Variants in UBE2D3 observed in about 807,000 individuals in gnomAD.
UBE2D3 encodes ubiquitin conjugating enzyme E2 D3.
In UBE2D3, 2 loss-of-function variants were observed where a neutral mutation model predicts 22.8. The observed-to-expected ratio is 0.09, with a 90% CI of 0.04 to 0.28. The LOEUF (loss-of-function observed/expected upper bound fraction) is 0.28. Ranked by LOEUF, UBE2D3 falls within the 10% of genes least tolerant of loss-of-function variation. UBE2D3 has a pLI of 1.00. For missense variants in UBE2D3, 27 were observed against 182.5 expected, an observed-to-expected ratio of 0.15 and a Z score of 4.91; for synonymous variants, 56 against 60.4, an observed-to-expected ratio of 0.93 and a Z score of 0.34.
chr4:102,826,663 A>T, intron 1 of UBE2D3, 27 bp from the exon 2 acceptor site: 1 of 1,528,124 alleles, frequency 6.5e-7, no homozygotes, highest in Non-Finnish European at 8.7e-7. Flanking sequence ...GCAGATCAGC[A>T]CTCGCACAGG....
rs138012460 is a variant in UBE2D3, at chr4:102,858,391, G to A, written c.-129+10324C>T. 1.1e-3 allele frequency among the ~76,000 whole-genome samples: 168 copies of A among 151,926 alleles called. 1 individual carries two copies. In the East Asian group the frequency reaches 0.03, roughly 27 times the overall value. On this transcript the variant is annotated intron_variant, in intron 1 of 7. Coordinates refer to the UBE2D3 transcript ENST00000338145. ...GGTAGTTTAAGGCTTCTTGTATAAC[G>A]GTTCTTTGTGATGTTTTTCTTGTCA... is the stretch of plus-strand genomic sequence containing the variant.
At chr4:102,811,581 T>C in intron 2 of UBE2D3, 1 of 289,364 alleles carries the variant, frequency 3.5e-6, no homozygotes, top group South Asian at 2.8e-5. Flanking sequence ...CTCGGGAGGA[T>C]GATACAGGAG....
rs151339235 is a variant in UBE2D3 at position 102,853,135 on chromosome 4, A to ATTTTTTTTTTT, written c.-129+15569_-129+15579dup. Among the ~76,000 whole-genome samples, 60 of 88,596 alleles carry ATTTTTTTTTTT rather than the reference A, an allele frequency of 6.8e-4. 7 individuals are homozygous for ATTTTTTTTTTT. The highest frequency in any genetic ancestry group is 1.7e-3 in the East Asian group (5 of 2,928). The allele number at this position is 88,596 out of a possible 152,430, so 58.1% of individuals were successfully genotyped here. ...GTCAAAATTACACACAAACACACAC[A>ATTTTTTTTTTT]TTTTTTTTTTTTTTTTTTTTTTTTT... On this transcript the variant is annotated intron_variant, in intron 1 of 7. Transcript: ENST00000338145.
At chr4:102,868,475 C>G (rs182726652) in intron 1 of UBE2D3, among the ~76,000 whole-genome samples, 1 of 152,232 alleles carries the variant, frequency 6.6e-6, no homozygotes, top group East Asian at 1.9e-4. Context: ...GTTTTTGGAG[C>G]TAGGGCTGCA....
intron 4 of UBE2D3, among the ~76,000 whole-genome samples, chr4:102,807,089 A>C (rs1165480515): frequency 1.3e-5 from 2 of 152,196 alleles, no homozygotes; most frequent in Non-Finnish European, 2.9e-5. Flanking sequence ...TACAGTCAGG[A>C]ATCTTCAGTT....
intron 1 of UBE2D3, among the ~76,000 whole-genome samples, chr4:102,854,759 C>T (rs987702682): frequency 1.3e-5 from 2 of 152,096 alleles, no homozygotes; most frequent in African/African-American, 4.8e-5. Context: ...TGTCTTCCTC[C>T]CTCCAAATCA....
chr4:102,835,141 A>C (rs533289514), intron 1 of UBE2D3, among the ~76,000 whole-genome samples: 1 of 152,228 alleles, frequency 6.6e-6, no homozygotes, highest in Non-Finnish European at 1.5e-5. Context: ...TAACATGTGA[A>C]GCAAATACAA....
At chr4:102,820,887 A>C (rs1320867192) in intron 2 of UBE2D3, among the ~76,000 whole-genome samples, 1 of 152,196 alleles carries the variant, frequency 6.6e-6, no homozygotes, top group Non-Finnish European at 1.5e-5. Context: ...CATGATTCAC[A>C]ATTGACAAAC....
intron 7 of UBE2D3, among the ~76,000 whole-genome samples, chr4:102,799,194 A>G (rs1048712145): frequency 6.6e-6 from 1 of 151,962 alleles, no homozygotes; most frequent in Admixed American, 6.6e-5. Flanking sequence ...AGGAAAAAAA[A>G]AACAACAATA....
chr4:102,841,236 T>G (rs886170910), intron 1 of UBE2D3, among the ~76,000 whole-genome samples: 1 of 152,156 alleles, frequency 6.6e-6, no homozygotes, highest in Admixed American at 6.5e-5. Context: ...TAAAGTTTTA[T>G]GTAGGAGACA....
intron 2 of UBE2D3, chr4:102,825,965 T>G (rs17196685): frequency 0.018 from 5,737 of 318,218 alleles, 85 homozygotes; most frequent in Non-Finnish European, 0.029. Flanking sequence ...CTAGACTCAC[T>G]GACTGACCTT....
intron 2 of UBE2D3, chr4:102,825,500 G>C (rs919126784): frequency 4.3e-6 from 5 of 1,151,900 alleles, no homozygotes; most frequent in South Asian, 1.8e-5. Flanking sequence ...GGAGATGCCG[G>C]AAAGAGCCTG....
intron 1 of UBE2D3, among the ~76,000 whole-genome samples, chr4:102,851,488 C>G (rs1337835342): frequency 2.6e-5 from 4 of 152,170 alleles, no homozygotes; most frequent in East Asian, 1.9e-4. Flanking sequence ...TTTTAAGCCA[C>G]TGTTTTGGAA....
At chr4:102,863,154 G>A (rs1222955738) in intron 1 of UBE2D3, among the ~76,000 whole-genome samples, 3 of 151,922 alleles carry the variant, frequency 2.0e-5, no homozygotes, top group African/African-American at 4.8e-5. Context: ...AGGATCAAGC[G>A]ATTCTCCTGC....
In UBE2D3 at chr4:102,797,144, T is replaced by G. The variant is rs1399350638; in HGVS notation, c.*271A>C. On this transcript the variant is annotated 3_prime_UTR_variant, in exon 8 of 8. Coordinates refer to ENST00000453744, the MANE Select transcript of UBE2D3 (RefSeq NM_181891.3). ...GAAGACATTGGCCACATAATACACA[T>G]GCTCCATTTTTTTTTTTAAAAATTC... The G allele has an allele frequency of 3.0e-6, 1 of 337,622 alleles. No homozygotes were observed. The highest frequency in any genetic ancestry group is 5.5e-6 in the Non-Finnish European group (1 of 183,350). The allele number at this position is 337,622 out of a possible 1,614,324, so 20.9% of individuals were successfully genotyped here.
upstream of UBE2D3, among the ~76,000 whole-genome samples, chr4:102,832,451 C>G (rs1463141546): frequency 1.3e-5 from 2 of 152,000 alleles, no homozygotes; most frequent in Admixed American, 6.5e-5. Flanking sequence ...CAAAAATGGC[C>G]TGATCAGATT....
intron 4 of UBE2D3, chr4:102,809,022 T>TA (rs3974641): frequency 0.41 from 62,905 of 152,340 alleles, 13,139 homozygotes; most frequent in African/African-American, 0.56. Flanking sequence ...CTTAGCAAGT[T>TA]AAAAAAAAAA....
chr4:102,867,383 G>A (rs1733193673), intron 1 of UBE2D3, among the ~76,000 whole-genome samples: 1 of 152,124 alleles, frequency 6.6e-6, no homozygotes, highest in African/African-American at 2.4e-5. Context: ...TTAGCAGTTC[G>A]TTATTATATG....
intron 5 of UBE2D3, 121 bp from the exon 6 acceptor site, chr4:102,801,680 T>C (rs957077312): frequency 1.0e-5 from 8 of 775,826 alleles, no homozygotes; most frequent in Admixed American, 9.8e-5. Flanking sequence ...GTTCTAAATA[T>C]TATAGAAACT....
Sources: gnomAD v4.1 joint callset for allele counts (sites outside exome capture counted in the v4.1 genomes callset) on GRCh38, gnomAD v4.1.1 for gene constraint, MANE v1.5 for transcripts, NCBI Gene and HGNC (gene_info 2026-07-23, HGNC 2026-07-21) for gene names.